The following CSDE1 variants were observed in gnomAD, a reference collection of about 807,000 sequenced individuals.
CSDE1 encodes cold shock domain containing E1, also known as cold shock domain-containing protein E1.
Under a neutral mutation model 89.3 loss-of-function variants are expected in CSDE1, and 17 were observed. That is an observed-to-expected ratio of 0.19 (90% confidence interval 0.13 to 0.29). CSDE1 has a LOEUF of 0.29. Ranked by LOEUF, CSDE1 falls within the 10% of genes least tolerant of loss-of-function variation. The pLI is 1.00. For synonymous variants in CSDE1, 322 were observed against 332.8 expected, an observed-to-expected ratio of 0.97 and a Z score of 0.35; for missense variants, 672 against 984.2, an observed-to-expected ratio of 0.68 and a Z score of 4.24.
intron 18 of CSDE1, 196 bp from the exon 19 acceptor site, chr1:114,718,941 C>T (rs1659356287): frequency 3.4e-6 from 2 of 595,098 alleles, no homozygotes; most frequent in Admixed American, 6.3e-5. Flanking sequence ...AAGGTCCCAA[C>T]TTAATAGGAA....
intron 14 of CSDE1, among the ~76,000 whole-genome samples, chr1:114,725,784 C>T (rs1223976440): frequency 6.6e-6 from 1 of 152,150 alleles, no homozygotes; most frequent in Non-Finnish European, 1.5e-5. Flanking sequence ...TACAGGTATG[C>T]ACCACCATGT....
In CSDE1 at chr1:114,718,229, GAAA is replaced by G. The variant is rs559081952; in HGVS notation, c.2350-16_2350-14del. On this transcript the variant is annotated splice_polypyrimidine_tract_variant and intron_variant, in intron 19 of 19. Coordinates refer to ENST00000358528, the MANE Select transcript of CSDE1 (RefSeq NM_001007553.3). ...CTGCACCAAACCCCTGTGGGGGGGA[GAAA>G]AAAAAAACCCTGCAGTTAATGATTT... 6.7e-7 allele frequency: 1 copy of G among 1,483,796 alleles called. No homozygotes were observed. Among genetic ancestry groups the G allele is most frequent in the Non-Finnish European group, 9.1e-7 (1 of 1,095,158 alleles). 91.9% of individuals were successfully genotyped at this position (1,483,796 alleles called of 1,614,324 possible).
Position 114,755,113 on chromosome 1 carries a change from T to C in CSDE1, c.-388+2812A>G, listed in dbSNP as rs185018634. Among the ~76,000 whole-genome samples, 98 of 152,352 alleles carry C rather than the reference T, an allele frequency of 6.4e-4. 1 individual carries two copies. The highest frequency in any genetic ancestry group is 2.3e-3 in the African/African-American group (95 of 41,578). On this transcript the variant is annotated intron_variant, in intron 1 of 19. Coordinates refer to ENST00000358528, the MANE Select transcript of CSDE1 (RefSeq NM_001007553.3). ...ATCAATGTAAAAAAATTGACACTGT[T>C]ACATTCCTTGAAATCCAATGTTATT...
intron 2 of CSDE1, among the ~76,000 whole-genome samples, chr1:114,742,927 A>G (rs1301877478): frequency 6.6e-6 from 1 of 152,128 alleles, no homozygotes; most frequent in Non-Finnish European, 1.5e-5. Context: ...CTGCACAAGT[A>G]AACTTTTTAT....
At chr1:114,722,683 T>C (rs1364577645) in intron 16 of CSDE1, among the ~76,000 whole-genome samples, 1 of 152,136 alleles carries the variant, frequency 6.6e-6, no homozygotes, top group Non-Finnish European at 1.5e-5. Flanking sequence ...GAAGTGGGGA[T>C]GGAAAAGGAA....
intron 2 of CSDE1, among the ~76,000 whole-genome samples, chr1:114,749,391 C>G (rs1334998241): frequency 6.6e-6 from 1 of 152,166 alleles, no homozygotes; most frequent in Non-Finnish European, 1.5e-5. Context: ...CACAAATATG[C>G]ACTGCAAATG....
At chr1:114,719,503 G>T in intron 18 of CSDE1, 76 bp downstream of exon 18, 1 of 1,386,620 alleles carries the variant, frequency 7.2e-7, no homozygotes, top group Non-Finnish European at 9.8e-7. Flanking sequence ...ACAGAAAAGT[G>T]ATGTGACAAA....
intron 2 of CSDE1, among the ~76,000 whole-genome samples, chr1:114,749,456 TAGAG>T (rs1273014379): frequency 9.2e-5 from 14 of 152,130 alleles, no homozygotes; most frequent in Non-Finnish European, 7.4e-5. Context: ...TTGAAGACAG[TAGAG>T]AGAAAGAAAC....
intron 7 of CSDE1, 142 bp from the exon 8 acceptor site, chr1:114,734,259 G>A (rs1485206062): frequency 8.6e-7 from 1 of 1,162,194 alleles, no homozygotes; most frequent in Non-Finnish European, 1.2e-6. Flanking sequence ...CAATTAAACA[G>A]CCAATTTTAA....
chr1:114,730,196 T>C, intron 12 of CSDE1, 62 bp downstream of exon 12: 1 of 1,545,734 alleles, frequency 6.5e-7, no homozygotes, highest in Admixed American at 1.8e-5. Flanking sequence ...TATTACTATG[T>C]GCTGTTAAAG....
chr1:114,724,486 A>G (rs1420308122), intron 15 of CSDE1, among the ~76,000 whole-genome samples: 1 of 152,204 alleles, frequency 6.6e-6, no homozygotes, highest in African/African-American at 2.4e-5. Flanking sequence ...ACAGGGATGT[A>G]TCTGATTTCT....
chr1:114,723,028 GTTTT>G (rs1410173344), intron 16 of CSDE1, among the ~76,000 whole-genome samples: 1 of 151,838 alleles, frequency 6.6e-6, no homozygotes, highest in East Asian at 1.9e-4. Context: ...TTTATTATTA[GTTTT>G]TTTAATAGTA....
chr1:114,730,204 A>G (rs1025671774), intron 12 of CSDE1, 54 bp downstream of exon 12: 37 of 1,580,704 alleles, frequency 2.3e-5, no homozygotes, highest in Middle Eastern at 1.7e-4. Flanking sequence ...TGTGCTGTTA[A>G]AGCAGAAGAG....
intron 19 of CSDE1, 67 bp downstream of exon 19, chr1:114,718,546 A>G: frequency 6.4e-7 from 1 of 1,560,032 alleles, no homozygotes; most frequent in South Asian, 1.2e-5. Context: ...CCTATTGTTT[A>G]AATAGGACCA....
intron 1 of CSDE1, among the ~76,000 whole-genome samples, chr1:114,754,193 A>G (rs1661465967): frequency 6.6e-6 from 1 of 151,988 alleles, no homozygotes. Flanking sequence ...GGGTTTCACC[A>G]TGTTGGTCAG....
At chr1:114,741,487 C>T in intron 2 of CSDE1, 2 of 1,523,394 alleles carry the variant, frequency 1.3e-6, no homozygotes, top group South Asian at 1.3e-5. Context: ...GCTCTTAACA[C>T]AAAGCAAGGT....
At position 114,732,950 on chromosome 1, in the gene CSDE1, A is replaced by C. The variant is rs191734518; in HGVS notation, c.838-134T>G. 16 of 702,220 alleles carry C rather than the reference A, an allele frequency of 2.3e-5. No homozygotes were observed. In the East Asian group the frequency reaches 4.2e-4, roughly 19 times the overall value. The allele number at this position is 702,220 out of a possible 1,614,324, so 43.5% of individuals were successfully genotyped here. On this transcript the variant is annotated intron_variant, in intron 9 of 19. Coordinates refer to ENST00000358528, the MANE Select transcript of CSDE1 (RefSeq NM_001007553.3). ...TGAAGCGAAAAAAGGTGTTGACAAC[A>C]TAAGTCCAATGTGAAAGCTTCATGG... is the stretch of plus-strand genomic sequence containing the variant.
At chr1:114,738,714 A>C (rs914421492) in intron 3 of CSDE1, among the ~76,000 whole-genome samples, 2 of 121,044 alleles carry the variant, frequency 1.7e-5, no homozygotes, top group African/African-American at 6.7e-5. Context: ...CCTGTCACCC[A>C]AGCTGGAGTG....
At chr1:114,746,503 G>A (rs1283143404) in intron 2 of CSDE1, 2 of 151,974 alleles carry the variant, frequency 1.3e-5, no homozygotes, top group Non-Finnish European at 1.5e-5. Context: ...TAAATTATCA[G>A]ACTCTTTGTA....
Sources: gnomAD v4.1 joint callset for allele counts (sites outside exome capture counted in the v4.1 genomes callset) on GRCh38, gnomAD v4.1.1 for gene constraint, MANE v1.5 for transcripts, NCBI Gene and HGNC (gene_info 2026-07-23, HGNC 2026-07-21) for gene names.